The following GALNT13 variants were observed in gnomAD, a reference collection of about 807,000 sequenced individuals.
GALNT13 encodes the protein UDP-GalNAc:polypeptide N-acetylgalactosaminyltransferase 13.
A neutral mutation model predicts 64.2 loss-of-function variants in GALNT13; 28 were observed. The observed-to-expected ratio is 0.44, with a 90% CI of 0.32 to 0.60. The LOEUF (loss-of-function observed/expected upper bound fraction) is 0.60, where lower values mean the gene tolerates loss of function less well. GALNT13 is among the 20% of genes least tolerant of loss of function. The pLI is 0.05. For synonymous variants in GALNT13, 214 were observed against 224.6 expected (o/e 0.95, Z 0.42); for missense variants, 577 against 669.8 (o/e 0.86, Z 1.53).
chr2:153,505,127 A>C, the GALNT13 span, among the ~76,000 whole-genome samples: 3 of 152,166 alleles, frequency 2.0e-5, no homozygotes, highest in African/African-American at 4.8e-5. Context: ...TATTTCCAGG[A>C]ATCTGTCCAT....
the GALNT13 span, among the ~76,000 whole-genome samples, chr2:153,360,927 G>A: frequency 0.015 from 2,263 of 152,214 alleles, 66 homozygotes; most frequent in African/African-American, 0.051. Flanking sequence ...GGGTAAGACC[G>A]TCCAACAGGG....
At chr2:153,404,795 C>T in the GALNT13 span, among the ~76,000 whole-genome samples, 4 of 152,154 alleles carry the variant, frequency 2.6e-5, no homozygotes, top group African/African-American at 4.8e-5. Context: ...GTAAACGAGA[C>T]TGGCTAAATG....
intron 10 of GALNT13, among the ~76,000 whole-genome samples, chr2:154,405,957 C>T (rs1015545728): frequency 1.3e-5 from 2 of 152,032 alleles, no homozygotes; most frequent in South Asian, 2.1e-4. Context: ...CAAAGGAATC[C>T]TTTACTCTGG....
the GALNT13 span, among the ~76,000 whole-genome samples, chr2:153,384,371 T>C: frequency 1.3e-5 from 2 of 152,086 alleles, no homozygotes; most frequent in Non-Finnish European, 2.9e-5. Flanking sequence ...AACTTCGTGT[T>C]CTTCAAGTGA....
intron 3 of GALNT13, among the ~76,000 whole-genome samples, chr2:154,021,306 C>A (rs1158065580): frequency 1.3e-5 from 2 of 152,200 alleles, no homozygotes; most frequent in Non-Finnish European, 2.9e-5. Context: ...TGGCCATTTT[C>A]ACAGTATTGA....
the GALNT13 span, among the ~76,000 whole-genome samples, chr2:153,747,075 T>A: frequency 3.9e-5 from 6 of 152,126 alleles, no homozygotes; most frequent in Non-Finnish European, 8.8e-5. Context: ...AAATTTTTAA[T>A]CTTCGTGGGT....
At chr2:153,291,599 CG>C in the GALNT13 span, among the ~76,000 whole-genome samples, 651 of 151,910 alleles carry the variant, frequency 4.3e-3, 7 homozygotes, top group African/African-American at 0.015. Context: ...AACTGGAAGG[CG>C]GCTCCTGCTT....
At position 154,245,144 on chromosome 2, in the gene GALNT13, T is replaced by TAAAA. The variant is rs1553502327; in HGVS notation, c.687-667_687-664dup. 4.5e-4 allele frequency among the ~76,000 whole-genome samples: 67 copies of TAAAA among 147,430 alleles called. 2 individuals are homozygous for TAAAA. The highest frequency in any genetic ancestry group is 2.3e-4 in the African/African-American group (9 of 39,292). On this transcript the variant is annotated intron_variant, in intron 6 of 12. Transcript: ENST00000392825. Reference sequence around the variant, plus strand: ...ATAAATAAATAAATAAATAAATAAATAAAACACCAGAGATTAAAGTTGCTT... The same window carrying TAAAA: ...ATAAATAAATAAATAAATAAATAAATAAAAAAAACACCAGAGATTAAAGTTGCTT...
chr2:153,782,555 T>G, the GALNT13 span, among the ~76,000 whole-genome samples: 1 of 152,198 alleles, frequency 6.6e-6, no homozygotes, highest in Non-Finnish European at 1.5e-5. Context: ...AATGTAGTTA[T>G]GCAGTGAATG....
chr2:153,123,584 A>G, the GALNT13 span, among the ~76,000 whole-genome samples: 1 of 152,202 alleles, frequency 6.6e-6, no homozygotes, highest in African/African-American at 2.4e-5. Flanking sequence ...GAATAAACCA[A>G]ATCTCTATCT....
At chr2:153,702,928 C>G in the GALNT13 span, among the ~76,000 whole-genome samples, 1 of 152,098 alleles carries the variant, frequency 6.6e-6, no homozygotes, top group Non-Finnish European at 1.5e-5. Flanking sequence ...AGCCCTGGCA[C>G]TTTCATATTA....
At chr2:154,343,220 T>A (rs1695872488) in intron 9 of GALNT13, among the ~76,000 whole-genome samples, 1 of 152,028 alleles carries the variant, frequency 6.6e-6, no homozygotes, top group Non-Finnish European at 1.5e-5. Context: ...TTCTGAGATT[T>A]AGATTTGAAA....
At chr2:153,938,260 T>C (rs1410956935) in intron 2 of GALNT13, among the ~76,000 whole-genome samples, 1 of 152,182 alleles carries the variant, frequency 6.6e-6, no homozygotes. Context: ...AAGCAAGCAA[T>C]ACATTTAACA....
intron 3 of GALNT13, among the ~76,000 whole-genome samples, chr2:154,026,961 CAGG>C (rs1574365265): frequency 6.6e-6 from 1 of 152,014 alleles, no homozygotes; most frequent in Non-Finnish European, 1.5e-5. Context: ...ATGTTGTTCT[CAGG>C]AGAAGAGAAG....
chr2:153,297,919 A>G, the GALNT13 span, among the ~76,000 whole-genome samples: 147 of 152,324 alleles, frequency 9.7e-4, no homozygotes, highest in African/African-American at 3.4e-3. Context: ...CAACAAATCC[A>G]ATGGAGAGAG....
At chr2:154,015,496 G>A (rs191654989) in intron 3 of GALNT13, among the ~76,000 whole-genome samples, 1 of 152,204 alleles carries the variant, frequency 6.6e-6, no homozygotes, top group African/African-American at 2.4e-5. Flanking sequence ...CTGATTCCTA[G>A]TTCTCTCAGG....
At chr2:153,211,285 G>C in the GALNT13 span, among the ~76,000 whole-genome samples, 1 of 151,792 alleles carries the variant, frequency 6.6e-6, no homozygotes, top group Non-Finnish European at 1.5e-5. Flanking sequence ...TGAGACTACA[G>C]GCATGCACCA....
At chr2:153,692,308 T>C in the GALNT13 span, among the ~76,000 whole-genome samples, 1 of 152,278 alleles carries the variant, frequency 6.6e-6, no homozygotes, top group East Asian at 1.9e-4. Flanking sequence ...TGTTTGTTCT[T>C]AAAATTTTGT....
At chr2:153,615,713 G>T in the GALNT13 span, among the ~76,000 whole-genome samples, 2 of 151,906 alleles carry the variant, frequency 1.3e-5, no homozygotes, top group African/African-American at 2.4e-5. Context: ...TCTTTTAAAT[G>T]GAATCTTTTA....
Sources: allele counts gnomAD v4.1 joint callset (sites outside exome capture counted in the v4.1 genomes callset), GRCh38; gene constraint gnomAD v4.1.1; transcripts MANE v1.5; gene names NCBI Gene and HGNC (gene_info 2026-07-23, HGNC 2026-07-21).